The following CFAP43 variants were observed in gnomAD, a reference collection of about 807,000 sequenced individuals.
The protein encoded by CFAP43 is cilia- and flagella-associated protein 43.
Under a neutral mutation model 218.9 loss-of-function variants are expected in CFAP43, and 155 were observed. The observed-to-expected ratio is 0.71, with a 90% CI of 0.62 to 0.81. The LOEUF (loss-of-function observed/expected upper bound fraction) is 0.81. Ranked by LOEUF, CFAP43 falls within the 30% of genes least tolerant of loss-of-function variation. CFAP43 has a pLI of 0.00. For synonymous variants in CFAP43, 645 were observed against 681.3 expected, an observed-to-expected ratio of 0.95 and a Z score of 0.83; for missense variants, 1,778 against 1,954.3, an observed-to-expected ratio of 0.91 and a Z score of 1.70.
At chr10:104,205,901 G>T in intron 7 of CFAP43, 62 bp downstream of exon 7, 3 of 1,389,338 alleles carry the variant, frequency 2.2e-6, no homozygotes, top group Non-Finnish European at 3.0e-6. Flanking sequence ...ATAGTAAATG[G>T]CAACAAATGG....
intron 35 of CFAP43, chr10:104,132,608 C>G: frequency 1.0e-6 from 1 of 982,892 alleles, no homozygotes; most frequent in Non-Finnish European, 1.2e-6. Context: ...GAGCAAAACC[C>G]CATCTCAAAA....
chr10:104,185,081 T>C lies in CFAP43; in HGVS notation c.2076A>G (p.Ser692=). The C allele has an allele frequency of 6.2e-7, 1 of 1,614,148 alleles. No homozygotes were observed. The highest frequency in any genetic ancestry group is 1.1e-5 in the South Asian group (1 of 91,082). The change falls in exon 16 of 38, where the codon TCA becomes TCG. Residue 692 remains serine, a synonymous_variant. Coordinates refer to ENST00000357060, the MANE Select transcript of CFAP43 (RefSeq NM_025145.7). ...TCACCAGAATGTTTTGTCCATCCAT[T>C]GAAATTCTCATTGACTGAATCCCAT... The part of the protein sequence containing the change: ...QGHGIQSMRI[S]MDGQNILVNG...
Position 104,179,113 on chromosome 10 carries a change from C to T in CFAP43, c.2383-7G>A, listed in dbSNP as rs1278130672. On this transcript the variant is annotated splice_region_variant and splice_polypyrimidine_tract_variant and intron_variant, in intron 18 of 37. Transcript: ENST00000357060. ...TAACCTCCTTTTTGATGGCCTGAAA[C>T]AGAACAAGTATATCACTTAACAAAG... 2.5e-6 allele frequency: 4 copies of T among 1,606,774 alleles called. No individual in the cohort carries two copies. In the East Asian group the frequency reaches 9.0e-5, roughly 36 times the overall value.
chr10:104,194,092 C>T lies in CFAP43; in HGVS notation c.1294-78G>A, dbSNP rs370358322. The T allele has an allele frequency of 8.4e-5, 127 of 1,508,374 alleles. No individual in the cohort carries two copies. In the African/African-American group the frequency reaches 1.6e-3, roughly 19 times the overall value. 93.4% of individuals were successfully genotyped at this position (1,508,374 alleles called of 1,614,324 possible). On this transcript the variant is annotated intron_variant, in intron 10 of 37. Transcript: ENST00000357060. ...CGTAAGAATGCTATTATACAGTGTA[C>T]TTGAAAAGCCTGCAGGATGAGAAAA...
chr10:104,131,654 G>C (rs1407126852), intron 36 of CFAP43, among the ~76,000 whole-genome samples, 170 bp from the exon 37 acceptor site: 1 of 152,154 alleles, frequency 6.6e-6, no homozygotes, highest in South Asian at 2.1e-4. Context: ...TTGTTGAAAG[G>C]TAGAATGGTA....
chr10:104,169,956 G>A (rs1005517213), intron 20 of CFAP43, among the ~76,000 whole-genome samples: 4 of 151,982 alleles, frequency 2.6e-5, no homozygotes, highest in Non-Finnish European at 5.9e-5. Flanking sequence ...TGTCATTATC[G>A]GGCTTTGGTC....
chr10:104,192,121 T>C lies in CFAP43; in HGVS notation c.1546+78A>G, dbSNP rs1301629321. 1.6e-5 allele frequency: 17 copies of C among 1,093,802 alleles called. 1 individual carries two copies. Among genetic ancestry groups the C allele is most frequent in the Non-Finnish European group, 2.1e-5 (16 of 755,976 alleles). 67.8% of individuals were successfully genotyped at this position (1,093,802 alleles called of 1,614,324 possible). ...CACAAATAATTGTTTCAATATTCAA[T>C]ATGAAAAGTCCATTTTCATAACCTT... On this transcript the variant is annotated intron_variant, in intron 12 of 37. Coordinates refer to ENST00000357060, the MANE Select transcript of CFAP43 (RefSeq NM_025145.7).
intron 31 of CFAP43, among the ~76,000 whole-genome samples, chr10:104,145,108 A>C (rs1283648842): frequency 6.6e-6 from 1 of 152,204 alleles, no homozygotes. Context: ...AGTAGTTCCG[A>C]TTTATACATC....
Position 104,212,241 on chromosome 10 carries a change from T to C in CFAP43, c.585-84A>G, listed in dbSNP as rs1478624405. The C allele has an allele frequency of 9.0e-5, 122 of 1,359,474 alleles. 2 individuals are homozygous for C. The East Asian group carries it at 2.9e-3, about 33-fold the overall frequency. The allele number at this position is 1,359,474 out of a possible 1,614,324, so 84.2% of individuals were successfully genotyped here. A position where few individuals can be genotyped will look rare whatever the true frequency, so the allele number is the denominator to read the frequency against. On this transcript the variant is annotated intron_variant, in intron 4 of 37. Transcript: ENST00000357060. The stretch of plus-strand genomic sequence containing the variant: ...CCACTGCATATCAGTTTAAGTGAGG[T>C]GGGGAGGTATTATAACTTGCAAAAA...
At chr10:104,187,069 A>G (rs2090053806) in intron 14 of CFAP43, among the ~76,000 whole-genome samples, 1 of 152,230 alleles carries the variant, frequency 6.6e-6, no homozygotes, top group African/African-American at 2.4e-5. Context: ...CTAAACTAAT[A>G]TTGTGTCATC....
At chr10:104,162,451 A>G (rs767954331) in intron 24 of CFAP43, 48 bp from the exon 25 acceptor site, 3 of 1,535,050 alleles carry the variant, frequency 2.0e-6, no homozygotes, top group Non-Finnish European at 1.8e-6. Context: ...CAAAATTCAA[A>G]CTAAACTTTC....
At chr10:104,169,301 G>A (rs2089310262) in intron 20 of CFAP43, among the ~76,000 whole-genome samples, 2 of 152,130 alleles carry the variant, frequency 1.3e-5, no homozygotes, top group Admixed American at 1.3e-4. Flanking sequence ...TCTAAATGTT[G>A]GTTGAAATCT....
intron 29 of CFAP43, 103 bp from the exon 30 acceptor site, chr10:104,146,452 A>C: frequency 3.7e-6 from 3 of 809,536 alleles, no homozygotes; most frequent in Non-Finnish European, 6.3e-6. Flanking sequence ...AGTACAAGAG[A>C]AATATGTCTG....
chr10:104,130,250 T>C lies in CFAP43; in HGVS notation c.4887A>G (p.Gln1629=). ...TTGAAATATTTGTTAACTTCTGCTG[T>C]TGCATCATGTTTTCATACCGTTCTT... The part of the protein sequence containing the change: ...IVKERYENMM[Q]QQKLTNISKQ... The change falls in exon 38 of 38, where the codon CAA becomes CAG. Residue 1629 remains glutamine, a synonymous_variant. Transcript: ENST00000357060. 1 of 1,613,310 alleles carries C rather than the reference T, an allele frequency of 6.2e-7. No individual in the cohort carries two copies. Among genetic ancestry groups the C allele is most frequent in the South Asian group, 1.1e-5 (1 of 90,846 alleles).
At chr10:104,136,349 CTTATT>C (rs556302792) in intron 34 of CFAP43, among the ~76,000 whole-genome samples, 140 of 148,198 alleles carry the variant, frequency 9.4e-4, no homozygotes, top group African/African-American at 1.9e-3. Context: ...TAGATATTTA[CTTATT>C]TTATTTTATT....
chr10:104,201,122 T>C (rs1187711033), intron 8 of CFAP43, among the ~76,000 whole-genome samples: 1 of 152,240 alleles, frequency 6.6e-6, no homozygotes, highest in East Asian at 1.9e-4. Context: ...CATGCTTTGT[T>C]TTAAATCTCT....
In CFAP43 at chr10:104,186,476, T is replaced by C. The variant is rs141212298; in HGVS notation, c.1861-353A>G. On this transcript the variant is annotated intron_variant, in intron 14 of 37. Transcript: ENST00000357060. ...ATGTAGTCAATATTCCCCGTATGTTTCATGCATTCCTACCTCCAAGCCTCT... is the reference window on the plus strand; with the variant it reads ...ATGTAGTCAATATTCCCCGTATGTTCCATGCATTCCTACCTCCAAGCCTCT... 2.2e-3 allele frequency among the ~76,000 whole-genome samples: 333 copies of C among 152,316 alleles called. 3 individuals are homozygous for C. Among genetic ancestry groups the C allele is most frequent in the African/African-American group, 7.6e-3 (315 of 41,572 alleles).
At chr10:104,153,087 T>G (rs1300574376) in intron 27 of CFAP43, among the ~76,000 whole-genome samples, 2 of 152,208 alleles carry the variant, frequency 1.3e-5, no homozygotes, top group Non-Finnish European at 2.9e-5. Context: ...AAAAAATTTT[T>G]TATTTTTCTC....
chr10:104,210,912 T>A (rs1031026130), intron 5 of CFAP43, among the ~76,000 whole-genome samples: 3 of 147,060 alleles, frequency 2.0e-5, no homozygotes, highest in Admixed American at 7.0e-5. Flanking sequence ...TGCCTCAGCC[T>A]CCCAAGTAGC....
Sources: gnomAD v4.1 joint callset for allele counts (sites outside exome capture counted in the v4.1 genomes callset) on GRCh38, gnomAD v4.1.1 for gene constraint, MANE v1.5 for transcripts, NCBI Gene and HGNC (gene_info 2026-07-23, HGNC 2026-07-21) for gene names.